The following DLGAP2 variants were observed in gnomAD, a reference collection of about 807,000 sequenced individuals.
DLGAP2 encodes disks large-associated protein 2.
DLGAP2 carries 26 observed loss-of-function variants against 100.3 expected under a neutral mutation model. The observed-to-expected ratio is 0.26, with a 90% CI of 0.19 to 0.36. The LOEUF (loss-of-function observed/expected upper bound fraction) is 0.36, where lower values mean the gene tolerates loss of function less well. Among genes scored for constraint, DLGAP2 ranks in the 10% least tolerant of loss-of-function variants. DLGAP2 has a pLI of 1.00. For missense variants in DLGAP2, 1,858 were observed against 1,453.2 expected (o/e 1.28, Z -4.53); for synonymous variants, 886 against 630.1 (o/e 1.41, Z -6.08).
intron 2 of DLGAP2, among the ~76,000 whole-genome samples, chr8:1,117,607 G>A (rs1222873267): frequency 6.6e-6 from 1 of 152,212 alleles, no homozygotes; most frequent in East Asian, 1.9e-4. Flanking sequence ...AGGACTGAGG[G>A]TGGGATGGAC....
chr8:1,480,871 AAAAAGAAAAG>A (rs541739616), intron 3 of DLGAP2, among the ~76,000 whole-genome samples: 2 of 149,654 alleles, frequency 1.3e-5, no homozygotes. Flanking sequence ...CATATAAAAA[AAAAAGAAAAG>A]AAAAGAAAAG....
At chr8:1,088,316 G>C (rs1804044760) in intron 2 of DLGAP2, among the ~76,000 whole-genome samples, 1 of 152,160 alleles carries the variant, frequency 6.6e-6, no homozygotes. Context: ...TGGCGGGGAG[G>C]TGTGGGACAG....
chr8:954,893 A>G (rs1186102803), intron 2 of DLGAP2, among the ~76,000 whole-genome samples: 1 of 152,180 alleles, frequency 6.6e-6, no homozygotes, highest in Non-Finnish European at 1.5e-5. Flanking sequence ...GCTGTGTCTA[A>G]TATTTGACTA....
chr8:1,157,202 C>T (rs1351904445), intron 2 of DLGAP2, among the ~76,000 whole-genome samples: 1 of 152,142 alleles, frequency 6.6e-6, no homozygotes, highest in Non-Finnish European at 1.5e-5. Flanking sequence ...GGGTTCCGTA[C>T]CCCGTGTGTG....
At chr8:1,571,111 T>A (rs1157216122) in intron 6 of DLGAP2, among the ~76,000 whole-genome samples, 2 of 102,704 alleles carry the variant, frequency 1.9e-5, no homozygotes, top group African/African-American at 4.4e-5. Context: ...GGACATCTGA[T>A]GAGATGGAGA....
At chr8:880,991 C>T (rs1030957175) in intron 1 of DLGAP2, among the ~76,000 whole-genome samples, 4 of 152,208 alleles carry the variant, frequency 2.6e-5, no homozygotes, top group African/African-American at 9.7e-5. Flanking sequence ...TGCACAACAG[C>T]TCATGCTTGA....
intron 6 of DLGAP2, among the ~76,000 whole-genome samples, chr8:1,608,929 G>T (rs1463818195): frequency 6.6e-6 from 1 of 152,090 alleles, no homozygotes; most frequent in Non-Finnish European, 1.5e-5. Flanking sequence ...GTACCTGAAA[G>T]TGATGGGGCG....
intron 2 of DLGAP2, among the ~76,000 whole-genome samples, chr8:1,013,337 A>G (rs971998342): frequency 6.6e-6 from 1 of 152,218 alleles, no homozygotes; most frequent in Admixed American, 6.5e-5. Flanking sequence ...AGGAAAAGCC[A>G]CAGGCACAGA....
intron 1 of DLGAP2, among the ~76,000 whole-genome samples, chr8:813,265 GA>G (rs573237600): frequency 4.7e-4 from 68 of 144,576 alleles, no homozygotes; most frequent in Non-Finnish European, 9.1e-4. Context: ...TTTTCAAAAC[GA>G]AAAAAAAACC....
chr8:1,433,092 C>T (rs1797502775), intron 3 of DLGAP2, among the ~76,000 whole-genome samples: 1 of 152,158 alleles, frequency 6.6e-6, no homozygotes, highest in African/African-American at 2.4e-5. Context: ...ACTCCCTTGC[C>T]GAGCCACACG....
At chr8:1,615,549 A>C (rs1286200868) in intron 6 of DLGAP2, among the ~76,000 whole-genome samples, 1 of 152,084 alleles carries the variant, frequency 6.6e-6, no homozygotes, top group East Asian at 1.9e-4. Flanking sequence ...AAATGTTAGA[A>C]CTCACCGGAA....
intron 3 of DLGAP2, among the ~76,000 whole-genome samples, chr8:1,435,203 C>T (rs938670903): frequency 6.6e-6 from 1 of 152,212 alleles, no homozygotes; most frequent in African/African-American, 2.4e-5. Context: ...AGCTGTGTGA[C>T]TTGAGCAGCT....
intron 2 of DLGAP2, among the ~76,000 whole-genome samples, chr8:1,040,768 G>A (rs141306827): frequency 1.9e-3 from 285 of 152,234 alleles, no homozygotes; most frequent in Middle Eastern, 6.8e-3. Flanking sequence ...GGGACATGAT[G>A]CTTTGGGCTG....
chr8:790,090 G>A (rs1461435040), intron 1 of DLGAP2, among the ~76,000 whole-genome samples: 2 of 152,214 alleles, frequency 1.3e-5, no homozygotes, highest in African/African-American at 4.8e-5. Flanking sequence ...CAGAGCCAGA[G>A]CCAGTGGAGA....
intron 6 of DLGAP2, among the ~76,000 whole-genome samples, chr8:1,574,531 C>T (rs1339597288): frequency 6.6e-6 from 1 of 152,160 alleles, no homozygotes; most frequent in African/African-American, 2.4e-5. Context: ...TGATGAGTCA[C>T]CTCCCTCGGT....
At chr8:953,390 C>T (rs923690858) in intron 2 of DLGAP2, among the ~76,000 whole-genome samples, 5 of 152,064 alleles carry the variant, frequency 3.3e-5, no homozygotes, top group African/African-American at 9.7e-5. Flanking sequence ...GACGGGATTT[C>T]GCCATGTTGG....
chr8:1,369,276 T>G (rs1802181843), intron 3 of DLGAP2: 1 of 151,952 alleles, frequency 6.6e-6, no homozygotes. Flanking sequence ...AAGTCCCAGA[T>G]GGAGATGTGG....
chr8:1,187,971 C>G (rs1205769095), intron 2 of DLGAP2, among the ~76,000 whole-genome samples: 2 of 122,444 alleles, frequency 1.6e-5, no homozygotes, highest in Non-Finnish European at 3.1e-5. Context: ...CACGGAATCT[C>G]AAACGCCTGG....
chr8:1,451,970 A>G (rs1180308120), intron 3 of DLGAP2, among the ~76,000 whole-genome samples: 1 of 152,246 alleles, frequency 6.6e-6, no homozygotes, highest in African/African-American at 2.4e-5. Context: ...TCTGACTCTT[A>G]AAACGACAAC....
Sources: gnomAD v4.1 joint callset for allele counts (sites outside exome capture counted in the v4.1 genomes callset) on GRCh38, gnomAD v4.1.1 for gene constraint, MANE v1.5 for transcripts, NCBI Gene and HGNC (gene_info 2026-07-23, HGNC 2026-07-21) for gene names.